IMMP2L: variants seen among roughly 807,000 people sequenced by gnomAD.
The protein encoded by IMMP2L is inner mitochondrial membrane peptidase subunit 2, also known as mitochondrial inner membrane protease subunit 2.
IMMP2L carries 18 observed loss-of-function variants against 19.3 expected under a neutral mutation model. The observed-to-expected ratio is 0.93, with a 90% confidence interval of 0.64 to 1.38. IMMP2L has a LOEUF of 1.38. IMMP2L is among the 40% of genes most tolerant of loss of function. IMMP2L has a pLI of 0.00. For missense variants in IMMP2L, 233 were observed against 218.2 expected (o/e 1.07, Z -0.43); for synonymous variants, 76 against 73.0 (o/e 1.04, Z -0.21).
At chr7:110,761,637 T>C (rs1371986613) in intron 5 of IMMP2L, among the ~76,000 whole-genome samples, 1 of 152,168 alleles carries the variant, frequency 6.6e-6, no homozygotes, top group Non-Finnish European at 1.5e-5. Flanking sequence ...GAACTTACTA[T>C]GTGTAAAGGC....
Position 110,847,464 on chromosome 7 carries a change from A to C in IMMP2L, c.408+39129T>G, listed in dbSNP as rs559893510. ...TACAGAAAATATAAAGTGAAAAGTA[A>C]AATAGCATTACTTTGTCTAGCTAAT... On this transcript the variant is annotated intron_variant, in intron 5 of 5. Coordinates refer to ENST00000405709, the MANE Select transcript of IMMP2L (RefSeq NM_032549.4). 3.9e-5 allele frequency among the ~76,000 whole-genome samples: 6 copies of C among 152,324 alleles called. 1 individual carries two copies. In the South Asian group the frequency reaches 1.2e-3, roughly 32 times the overall value.
chr7:110,771,764 T>C (rs751235047), intron 5 of IMMP2L, among the ~76,000 whole-genome samples: 4 of 152,152 alleles, frequency 2.6e-5, no homozygotes, highest in African/African-American at 9.7e-5. Flanking sequence ...GCTATAATTC[T>C]AATGGCTTTA....
intron 3 of IMMP2L, among the ~76,000 whole-genome samples, chr7:111,369,218 A>G (rs1381431246): frequency 6.6e-6 from 1 of 151,954 alleles, no homozygotes; most frequent in Non-Finnish European, 1.5e-5. Context: ...TAGTGGTAAG[A>G]AAAAAATTGG....
At chr7:110,770,612 A>G (rs1798970837) in intron 5 of IMMP2L, among the ~76,000 whole-genome samples, 1 of 152,142 alleles carries the variant, frequency 6.6e-6, no homozygotes, top group South Asian at 2.1e-4. Context: ...ATTTTTATAC[A>G]TACAATACAG....
chr7:110,684,825 C>T (rs575336658), intron 5 of IMMP2L, among the ~76,000 whole-genome samples: 5 of 152,126 alleles, frequency 3.3e-5, no homozygotes, highest in East Asian at 1.9e-4. Context: ...ACAAGATATG[C>T]GTGCAGCAAC....
At chr7:111,070,092 C>T (rs1399130011) in intron 3 of IMMP2L, among the ~76,000 whole-genome samples, 1 of 151,860 alleles carries the variant, frequency 6.6e-6, no homozygotes, top group African/African-American at 2.4e-5. Context: ...AAGTAGTTCA[C>T]ATTTTTGTGA....
chr7:111,249,876 G>GACAAACC (rs1815879671), intron 3 of IMMP2L, among the ~76,000 whole-genome samples: 1 of 152,038 alleles, frequency 6.6e-6, no homozygotes. Context: ...CAACATTCCC[G>GACAAACC]TTCAACACAG....
At chr7:110,957,831 T>G (rs915829812) in intron 4 of IMMP2L, among the ~76,000 whole-genome samples, 4 of 152,000 alleles carry the variant, frequency 2.6e-5, no homozygotes, top group Non-Finnish European at 5.9e-5. Flanking sequence ...GTGAACATCC[T>G]ACAGCCCCAG....
chr7:111,492,316 A>T, intron 2 of IMMP2L: 1 of 783,808 alleles, frequency 1.3e-6, no homozygotes, highest in Non-Finnish European at 1.5e-6. Flanking sequence ...CCCCAAATAT[A>T]CTTCCCCTCC....
chr7:110,697,831 A>C (rs551034113), intron 5 of IMMP2L, among the ~76,000 whole-genome samples: 13 of 152,328 alleles, frequency 8.5e-5, no homozygotes, highest in African/African-American at 2.4e-4. Context: ...TTAAGACATT[A>C]TCTCAAAAGA....
chr7:111,421,968 T>C (rs1835601667), intron 3 of IMMP2L, among the ~76,000 whole-genome samples: 1 of 151,896 alleles, frequency 6.6e-6, no homozygotes. Flanking sequence ...CACCATTTAT[T>C]AAACAGAGAA....
At chr7:111,071,660 T>C (rs1794962829) in intron 3 of IMMP2L, among the ~76,000 whole-genome samples, 1 of 152,102 alleles carries the variant, frequency 6.6e-6, no homozygotes, top group South Asian at 2.1e-4. Context: ...TCCAACTATA[T>C]GAAATTTCTA....
At chr7:111,362,984 T>C (rs1829405796) in intron 3 of IMMP2L, among the ~76,000 whole-genome samples, 1 of 152,088 alleles carries the variant, frequency 6.6e-6, no homozygotes, top group South Asian at 2.1e-4. Context: ...CAAAATCAAC[T>C]ATGTGCAACC....
Position 111,218,468 on chromosome 7 carries a change from T to C in IMMP2L, c.240-254903A>G, listed in dbSNP as rs532060418. ...TCAAAAGTTTTATCAGTTTTTTTTTTCCCATTACAATGTTAAAGAGAAATG... is the reference window on the plus strand; with the variant it reads ...TCAAAAGTTTTATCAGTTTTTTTTTCCCCATTACAATGTTAAAGAGAAATG... On this transcript the variant is annotated intron_variant, in intron 3 of 5. Coordinates refer to ENST00000405709, the MANE Select transcript of IMMP2L (RefSeq NM_032549.4). 7.2e-5 allele frequency among the ~76,000 whole-genome samples: 11 copies of C among 151,988 alleles called. No homozygotes were observed. In the South Asian group the frequency reaches 1.9e-3, roughly 26 times the overall value.
intron 1 of IMMP2L, among the ~76,000 whole-genome samples, chr7:111,552,415 G>A (rs1790773113): frequency 6.6e-6 from 1 of 152,100 alleles, no homozygotes; most frequent in African/African-American, 2.4e-5. Context: ...AGCCTCCTGA[G>A]GACCTGGCAT....
At chr7:111,057,429 A>C (rs930949955) in intron 3 of IMMP2L, among the ~76,000 whole-genome samples, 3 of 148,092 alleles carry the variant, frequency 2.0e-5, no homozygotes, top group African/African-American at 5.0e-5. Flanking sequence ...AAAAAAAAAA[A>C]CTCTTTTGTA....
chr7:111,513,502 T>C (rs1162898517), intron 2 of IMMP2L, among the ~76,000 whole-genome samples: 1 of 152,124 alleles, frequency 6.6e-6, no homozygotes, highest in Admixed American at 6.6e-5. Context: ...TTGTGCTCTA[T>C]TGGTAGGAAT....
At chr7:111,235,486 T>A (rs1001264675) in intron 3 of IMMP2L, among the ~76,000 whole-genome samples, 4 of 151,320 alleles carry the variant, frequency 2.6e-5, no homozygotes, top group Admixed American at 6.6e-5. Flanking sequence ...AAAAAAAAAA[T>A]TCCACATTGA....
chr7:110,778,754 C>T (rs1312725402), intron 5 of IMMP2L, among the ~76,000 whole-genome samples: 2 of 151,752 alleles, frequency 1.3e-5, no homozygotes, highest in African/African-American at 4.8e-5. Context: ...GATATGTGGC[C>T]CTAGAACTGT....
Sources: gnomAD v4.1 joint callset for allele counts (sites outside exome capture counted in the v4.1 genomes callset) on GRCh38, gnomAD v4.1.1 for gene constraint, MANE v1.5 for transcripts, NCBI Gene and HGNC (gene_info 2026-07-23, HGNC 2026-07-21) for gene names.